NADK2: variants seen among roughly 807,000 people sequenced by gnomAD.
The protein encoded by NADK2 is NAD kinase 2, mitochondrial, also known as NAD kinase domain-containing protein 1, mitochondrial.
NADK2 carries 35 observed loss-of-function variants against 62.1 expected under a neutral mutation model. The observed-to-expected ratio is 0.56, with a 90% CI of 0.43 to 0.75. The LOEUF is 0.75. NADK2 is among the 30% of genes least tolerant of loss of function. The pLI is 0.00. For missense variants in NADK2, 439 were observed against 561.3 expected (o/e 0.78, Z 2.20); for synonymous variants, 205 against 207.9 (o/e 0.99, Z 0.12).
In NADK2 at chr5:36,211,975, A is replaced by G. The variant is rs972792936; in HGVS notation, c.782-53T>C. 4.4e-6 allele frequency: 6 copies of G among 1,368,374 alleles called. No homozygotes were observed. The African/African-American group carries it at 8.8e-5, about 20-fold the overall frequency. 84.8% of individuals were successfully genotyped at this position (1,368,374 alleles called of 1,614,324 possible). On this transcript the variant is annotated intron_variant, in intron 6 of 11. Coordinates refer to ENST00000381937, the MANE Select transcript of NADK2 (RefSeq NM_001085411.3). The stretch of plus-strand genomic sequence containing the variant: ...CCAAGATAGCTCCTTGATTTCTAGA[A>G]ATGTTATAAAAATTTTATAAAACAC...
intron 11 of NADK2, 23 bp downstream of exon 11, chr5:36,197,518 G>C: frequency 6.2e-7 from 1 of 1,611,948 alleles, no homozygotes; most frequent in Non-Finnish European, 8.5e-7. Context: ...AAAACAGTCA[G>C]AAGTCAGATT....
intron 6 of NADK2, among the ~76,000 whole-genome samples, chr5:36,214,026 T>C (rs535439495): frequency 6.6e-6 from 1 of 152,296 alleles, no homozygotes; most frequent in South Asian, 2.1e-4. Context: ...TTTTGTCAAA[T>C]GAGTTTGACA....
chr5:36,203,604 G>A (rs1746526132), intron 8 of NADK2, among the ~76,000 whole-genome samples: 1 of 152,062 alleles, frequency 6.6e-6, no homozygotes. Context: ...CATAGAGAAG[G>A]CTGAGATTTT....
In NADK2 at chr5:36,194,959, T is replaced by C. The variant is rs894211844; in HGVS notation, c.*185A>G. ...ATTCTAATTGGTTCAGTCCATCCAT[T>C]TTCTTATACAGTGAATGTCTTTTTT... On this transcript the variant is annotated 3_prime_UTR_variant, in exon 12 of 12. Transcript: ENST00000381937. The C allele has an allele frequency of 1.3e-5, 7 of 547,890 alleles. No individual in the cohort carries two copies. The highest frequency in any genetic ancestry group is 4.0e-5 in the Admixed American group (1 of 24,736). 33.9% of individuals were successfully genotyped at this position (547,890 alleles called of 1,614,324 possible).
intron 1 of NADK2, among the ~76,000 whole-genome samples, chr5:36,234,229 CG>C (rs1290594656): frequency 1.3e-5 from 2 of 151,040 alleles, no homozygotes; most frequent in Non-Finnish European, 3.0e-5. Flanking sequence ...AAAAATTAGC[CG>C]GGCATGGTGG....
Position 36,222,822 on chromosome 5 carries a change from G to A in NADK2, c.560+2720C>T, listed in dbSNP as rs746093522. Among the ~76,000 whole-genome samples the A allele has an allele frequency of 3.3e-5, 5 of 152,294 alleles. No individual in the cohort carries two copies. In the South Asian group the frequency reaches 8.3e-4, roughly 25 times the overall value. On this transcript the variant is annotated intron_variant, in intron 4 of 11. Transcript: ENST00000381937. ...CAAAAGTAAGTTCCCTAGAACTTAGGACCAATTTGATGATAGAGTGAGGGA... is the reference window on the plus strand; with the variant it reads ...CAAAAGTAAGTTCCCTAGAACTTAGAACCAATTTGATGATAGAGTGAGGGA...
chr5:36,234,669 T>C (rs1410076235), intron 1 of NADK2, among the ~76,000 whole-genome samples: 14 of 152,208 alleles, frequency 9.2e-5, no homozygotes, highest in Non-Finnish European at 2.9e-5. Context: ...TTAGTTGTAA[T>C]ATTTCCATTT....
chr5:36,236,583 G>A (rs1747915370), intron 1 of NADK2, among the ~76,000 whole-genome samples: 1 of 152,130 alleles, frequency 6.6e-6, no homozygotes, highest in Non-Finnish European at 1.5e-5. Flanking sequence ...GGACTAGAAG[G>A]AAGCTGGTCC....
chr5:36,195,666 G>A (rs935770845), intron 11 of NADK2, among the ~76,000 whole-genome samples: 2 of 152,168 alleles, frequency 1.3e-5, no homozygotes, highest in African/African-American at 4.8e-5. Context: ...TTGGGTACAT[G>A]TAATTATGTA....
chr5:36,242,022 G>A (rs1486301461), upstream of NADK2: 1 of 243,522 alleles, frequency 4.1e-6, no homozygotes, highest in Non-Finnish European at 7.7e-6. Flanking sequence ...CCCCACGCGG[G>A]AGAAAGGTGG....
intron 1 of NADK2, among the ~76,000 whole-genome samples, chr5:36,232,771 TTC>T (rs1747752702): frequency 6.6e-6 from 1 of 152,170 alleles, no homozygotes; most frequent in Admixed American, 6.5e-5. Context: ...TCACTTCATT[TTC>T]TCTGAGTTAT....
intron 1 of NADK2, among the ~76,000 whole-genome samples, chr5:36,231,063 C>T (rs1325274117): frequency 1.3e-5 from 2 of 152,158 alleles, no homozygotes; most frequent in Non-Finnish European, 2.9e-5. Context: ...CAATATGGAA[C>T]ATGTACCCAG....
intron 1 of NADK2, 46 bp from the exon 2 acceptor site, chr5:36,227,611 C>A: frequency 9.6e-7 from 1 of 1,041,770 alleles, no homozygotes; most frequent in Non-Finnish European, 1.3e-6. Context: ...ATATATTACA[C>A]ATGATGTTCT....
rs1746735478 is a variant in NADK2 at position 36,208,770 on chromosome 5, G to A, written c.861-1505C>T. The A allele has an allele frequency of 6.6e-6, 6 of 912,020 alleles. No homozygotes were observed. In the Admixed American group the frequency reaches 1.5e-4, roughly 23 times the overall value. The allele number at this position is 912,020 out of a possible 1,614,324, so 56.5% of individuals were successfully genotyped here. A position where few individuals can be genotyped will look rare whatever the true frequency, so the allele number is the denominator to read the frequency against. On this transcript the variant is annotated intron_variant, in intron 7 of 11. Transcript: ENST00000381937. The stretch of plus-strand genomic sequence containing the variant: ...TTAAATCTAAGAACATTATAAATGA[G>A]GCAGGAATAATATTGCTGCACTTCA...
Position 36,241,433 on chromosome 5 carries a change from G to C in NADK2, c.300+66C>G. ...AGTCGTCCCGAGAGGTCCCCCCGAG[G>C]GGGCGCAGCCGCCACCAGAGCCCCG... On this transcript the variant is annotated intron_variant, in intron 1 of 11. Coordinates refer to ENST00000381937, the MANE Select transcript of NADK2 (RefSeq NM_001085411.3). The surrounding 1 kb of genome is among the most constrained non-coding windows in gnomAD (Gnocchi z 4.9). 6.8e-7 allele frequency: 1 copy of C among 1,464,470 alleles called. No individual in the cohort carries two copies. Among genetic ancestry groups the C allele is most frequent in the Non-Finnish European group, 9.0e-7 (1 of 1,111,428 alleles). 90.7% of individuals were successfully genotyped at this position (1,464,470 alleles called of 1,614,324 possible).
chr5:36,209,787 T>C (rs1037899483), intron 7 of NADK2, among the ~76,000 whole-genome samples: 8 of 152,284 alleles, frequency 5.3e-5, no homozygotes, highest in Admixed American at 4.6e-4. Context: ...TCCAAAAAAT[T>C]AAGATACCAC....
chr5:36,234,852 G>C (rs1047185319), intron 1 of NADK2, among the ~76,000 whole-genome samples: 2 of 152,114 alleles, frequency 1.3e-5, no homozygotes, highest in African/African-American at 2.4e-5. Context: ...TTGGGAGTGG[G>C]GGAGTCTTTT....
At chr5:36,221,693 C>T (rs1243699730) in intron 4 of NADK2, 1 of 152,118 alleles carries the variant, frequency 6.6e-6, no homozygotes, top group African/African-American at 2.4e-5. Context: ...GAAGAGATGA[C>T]AATATTAACA....
Position 36,225,547 on chromosome 5 carries a change from T to C in NADK2, c.555A>G (p.Pro185=), listed in dbSNP as rs528054200. The C allele has an allele frequency of 3.7e-6, 6 of 1,612,114 alleles. No homozygotes were observed. In the South Asian group the frequency reaches 6.6e-5, roughly 18 times the overall value. ...ATGTATACGTTCTTTCTTACCGTTC[T>C]GGATCAGTGTTTACCCCTATAACTG... The part of the protein sequence containing the change: ...LKPVIGVNTD[P]ERSEGHLCLP... Residue 185 remains proline, a synonymous_variant, in exon 4 of 12, where the codon CCA becomes CCG. Transcript: ENST00000381937.
Sources: allele counts gnomAD v4.1 joint callset (sites outside exome capture counted in the v4.1 genomes callset), GRCh38; gene constraint gnomAD v4.1.1; non-coding constraint Gnocchi (gnomAD v3.1); transcripts MANE v1.5; gene names NCBI Gene and HGNC (gene_info 2026-07-23, HGNC 2026-07-21).